Variants in DNMT3A observed in about 807,000 individuals in gnomAD.
DNMT3A encodes the protein DNA methyltransferase 3 alpha, also known as DNA (cytosine-5)-methyltransferase 3A.
A neutral mutation model predicts 117.6 loss-of-function variants in DNMT3A; 267 were observed. That is an observed-to-expected ratio of 2.27 (90% confidence interval 2.05 to 2.51). The LOEUF (loss-of-function observed/expected upper bound fraction) is 2.51. DNMT3A is among the 30% of genes most tolerant of loss of function. The probability of loss-of-function intolerance (pLI) is 0.00; values close to 1 mark genes in which losing one functional copy is unlikely to be tolerated. For missense variants in DNMT3A, 1,029 were observed against 1,260.2 expected (o/e 0.82, Z 2.78); for synonymous variants, 432 against 474.8 (o/e 0.91, Z 1.17).
At chr2:25,287,327 TG>T (rs1321311750) in intron 3 of DNMT3A, among the ~76,000 whole-genome samples, 2 of 151,896 alleles carry the variant, frequency 1.3e-5, no homozygotes, top group Non-Finnish European at 2.9e-5. Context: ...GGGGGCCAGA[TG>T]GGGGCCACAG....
rs1573522068 is a variant in DNMT3A at position 25,340,795 on chromosome 2, C to A, written c.-178+1031G>T. On this transcript the variant is annotated intron_variant, in intron 1 of 22. Transcript: ENST00000321117. ...TGCTGGAGGGGCGACCCCGGGCGTA[C>A]CCCCCCTGCGCCGCTCCCGGTCCCG... Among the ~76,000 whole-genome samples, 12 of 149,280 alleles carry A rather than the reference C, an allele frequency of 8.0e-5. No homozygotes were observed. In the South Asian group the frequency reaches 2.6e-3, roughly 32 times the overall value.
chr2:25,322,652 G>T (rs970081891), intron 1 of DNMT3A, among the ~76,000 whole-genome samples: 1 of 144,112 alleles, frequency 6.9e-6, no homozygotes, highest in South Asian at 2.3e-4. Flanking sequence ...TGTCCCCACT[G>T]CCGCCCCCAC....
In DNMT3A at chr2:25,306,029, C is replaced by T. The variant is rs2033765485; in HGVS notation, c.73-5786G>A. Among the ~76,000 whole-genome samples the T allele has an allele frequency of 6.6e-6, 1 of 152,222 alleles. No homozygotes were observed. Among genetic ancestry groups the T allele is most frequent in the African/African-American group, 2.4e-5 (1 of 41,444 alleles). ...GGACAAGAAGCATGCCCAGCCTTTG[C>T]CAGCTGGCTGGCTGGCCTCCCAGGG... On this transcript the variant is annotated intron_variant, in intron 2 of 22. Transcript: ENST00000321117. The surrounding 1 kb of genome is among the most constrained non-coding windows in gnomAD (Gnocchi z 4.1).
chr2:25,247,478 G>A lies in DNMT3A; in HGVS notation c.1014+113C>T. On this transcript the variant is annotated intron_variant, in intron 8 of 22. Transcript: ENST00000321117. The surrounding 1 kb of genome is among the most constrained non-coding windows in gnomAD (Gnocchi z 5.6). ...CACCCACCACAGGCAGAGTAGGGGTGAGCAGAACCCACTTCCATCACCCCA... is the reference window on the plus strand; with the variant it reads ...CACCCACCACAGGCAGAGTAGGGGTAAGCAGAACCCACTTCCATCACCCCA... 2 of 1,484,442 alleles carry A rather than the reference G, an allele frequency of 1.3e-6. No homozygotes were observed. Among genetic ancestry groups the A allele is most frequent in the Non-Finnish European group, 9.1e-7 (1 of 1,094,196 alleles). The allele number at this position is 1,484,442 out of a possible 1,614,324, so 92.0% of individuals were successfully genotyped here.
chr2:25,340,220 C>A (rs1263618877), intron 1 of DNMT3A, among the ~76,000 whole-genome samples: 3 of 152,114 alleles, frequency 2.0e-5, no homozygotes, highest in South Asian at 4.1e-4. Context: ...GCAGGGGGCT[C>A]CCCTCAGGAG....
At position 25,337,065 on chromosome 2, in the gene DNMT3A, T is replaced by C. The variant is rs12995968; in HGVS notation, c.-178+4761A>G. On this transcript the variant is annotated intron_variant, in intron 1 of 22. Transcript: ENST00000321117. The surrounding 1 kb of genome is among the most constrained non-coding windows in gnomAD (Gnocchi z 5.0). ...TTACAGGAAATGCTCAGCACATCTCTGGAAAATGGAAGCGAATACGGTGGG... is the reference window on the plus strand; with the variant it reads ...TTACAGGAAATGCTCAGCACATCTCCGGAAAATGGAAGCGAATACGGTGGG... Among the ~76,000 whole-genome samples the C allele has an allele frequency of 0.04, 6,067 of 152,176 alleles. 153 individuals carry two copies. Among genetic ancestry groups the C allele is most frequent in the South Asian group, 0.08 (385 of 4,822 alleles).
intron 19 of DNMT3A, among the ~76,000 whole-genome samples, chr2:25,239,675 G>A (rs1673758874): frequency 6.6e-6 from 1 of 152,156 alleles, no homozygotes; most frequent in Non-Finnish European, 1.5e-5. Context: ...CATGAGCCCT[G>A]ATTAGAACTC....
chr2:25,323,666 A>G (rs2034682911), intron 1 of DNMT3A, among the ~76,000 whole-genome samples: 1 of 152,208 alleles, frequency 6.6e-6, no homozygotes, highest in African/African-American at 2.4e-5. Context: ...GATTACTCTC[A>G]GATTCAACCA....
rs1010787856 is a variant in DNMT3A at position 25,257,137 on chromosome 2, C to T, written c.640-8885G>A. 2.0e-5 allele frequency among the ~76,000 whole-genome samples: 3 copies of T among 152,150 alleles called. No individual in the cohort carries two copies. Among genetic ancestry groups the T allele is most frequent in the African/African-American group, 7.2e-5 (3 of 41,418 alleles). ...TTGCAAGCAAATGACCAGGACTGGG[C>T]TGCTGGCAGTGAAGCTAAAAATAGC... On this transcript the variant is annotated intron_variant, in intron 6 of 22. Coordinates refer to ENST00000321117, the MANE Select transcript of DNMT3A (RefSeq NM_022552.5). This position sits in a 1 kb window ranked among gnomAD's most constrained non-coding sequence, Gnocchi z 4.8.
chr2:25,247,057 G>A lies in DNMT3A; in HGVS notation c.1116C>T (p.Val372=), dbSNP rs770188546. 5.0e-6 allele frequency: 8 copies of A among 1,613,854 alleles called. No individual in the cohort carries two copies. The highest frequency in any genetic ancestry group is 5.9e-6 in the Non-Finnish European group (7 of 1,179,926). ...TCCCAGCAGGGACACTCACCTGCAG[G>A]ACCTCGTAGATGGCTTTGCGGTACA... The part of the protein sequence containing the change: ...QPMYRKAIYE[V]LQVASSRAGK... Residue 372 remains valine (V), a synonymous_variant, in exon 9 of 23, where the codon GTC becomes GTT. Transcript: ENST00000321117. This position sits in a 1 kb window ranked among gnomAD's most constrained non-coding sequence, Gnocchi z 5.6.
intron 1 of DNMT3A, among the ~76,000 whole-genome samples, chr2:25,324,922 A>G (rs2149441062): frequency 6.6e-6 from 1 of 152,250 alleles, no homozygotes; most frequent in South Asian, 2.1e-4. Context: ...TGCAAAGCTG[A>G]TTTATCTGGC....
chr2:25,277,115 C>G (rs2149369636), intron 4 of DNMT3A, among the ~76,000 whole-genome samples: 1 of 152,238 alleles, frequency 6.6e-6, no homozygotes, highest in Non-Finnish European at 1.5e-5. Flanking sequence ...CCCGCGGGGG[C>G]CGCGTGGGCG....
rs77852788 is a variant in DNMT3A at position 25,258,868 on chromosome 2, T to C, written c.640-10616A>G. Among the ~76,000 whole-genome samples, 783 of 152,278 alleles carry C rather than the reference T, an allele frequency of 5.1e-3. 2 individuals are homozygous for C. Among genetic ancestry groups the C allele is most frequent in the Non-Finnish European group, 7.7e-3 (526 of 68,010 alleles). ...AGCACAAGCACAGCCTTAGGGTATCTGTTAGGGAGGGGGAGTGGTAAGGGG... is the reference window on the plus strand; with the variant it reads ...AGCACAAGCACAGCCTTAGGGTATCCGTTAGGGAGGGGGAGTGGTAAGGGG... On this transcript the variant is annotated intron_variant, in intron 6 of 22. Coordinates refer to ENST00000321117, the MANE Select transcript of DNMT3A (RefSeq NM_022552.5).
chr2:25,273,267 C>T (rs183604461), intron 6 of DNMT3A, among the ~76,000 whole-genome samples: 4 of 152,186 alleles, frequency 2.6e-5, no homozygotes, highest in East Asian at 1.9e-4. Context: ...TGAGCCACCA[C>T]GCCTGGCTAA....
rs59610512 is a variant in DNMT3A at position 25,306,723 on chromosome 2, C to T, written c.73-6480G>A. ...TCAGCCCTGTCCACCTCTGAGGTCTCTATGTCACAAGGCCAGACACAGGGG... is the reference window on the plus strand; with the variant it reads ...TCAGCCCTGTCCACCTCTGAGGTCTTTATGTCACAAGGCCAGACACAGGGG... On this transcript the variant is annotated intron_variant, in intron 2 of 22. Transcript: ENST00000321117. This position sits in a 1 kb window ranked among gnomAD's most constrained non-coding sequence, Gnocchi z 4.1. Among the ~76,000 whole-genome samples, 1 of 152,200 alleles carries T rather than the reference C, an allele frequency of 6.6e-6. No individual in the cohort carries two copies. The highest frequency in any genetic ancestry group is 1.5e-5 in the Non-Finnish European group (1 of 68,040).
At position 25,252,273 on chromosome 2, in the gene DNMT3A, T is replaced by C. The variant is rs2149326429; in HGVS notation, c.640-4021A>G. 1 of 1,266,002 alleles carries C rather than the reference T, an allele frequency of 7.9e-7. No individual in the cohort carries two copies. The highest frequency in any genetic ancestry group is 1.0e-6 in the Non-Finnish European group (1 of 978,958). The allele number at this position is 1,266,002 out of a possible 1,614,324, so 78.4% of individuals were successfully genotyped here. On this transcript the variant is annotated intron_variant, in intron 6 of 22. Coordinates refer to ENST00000321117, the MANE Select transcript of DNMT3A (RefSeq NM_022552.5). The surrounding 1 kb of genome is among the most constrained non-coding windows in gnomAD (Gnocchi z 5.5). The stretch of plus-strand genomic sequence containing the variant: ...CTGAAGCTCTGGAAGTAGCTGCCCG[T>C]CTTGGGGGAGGGGAAGGGGGCGATG...
At chr2:25,284,458 C>T (rs2032130608) in intron 3 of DNMT3A, among the ~76,000 whole-genome samples, 1 of 151,710 alleles carries the variant, frequency 6.6e-6, no homozygotes, top group African/African-American at 2.4e-5. Context: ...AGTTTGAGAC[C>T]AGCCTGGCCA....
In DNMT3A at chr2:25,248,269, C is replaced by CA. The variant is rs1410532438; in HGVS notation, c.640-18dup. ...CTTCTCAGCCTGGGGAAACAAAAAA[C>CA]AAAAAGTCACCTTGACCTCTCCAGG... On this transcript the variant is annotated splice_polypyrimidine_tract_variant and intron_variant, in intron 6 of 22. Coordinates refer to ENST00000321117, the MANE Select transcript of DNMT3A (RefSeq NM_022552.5). 2.5e-6 allele frequency: 4 copies of CA among 1,610,402 alleles called. No homozygotes were observed. The highest frequency in any genetic ancestry group is 3.4e-6 in the Non-Finnish European group (4 of 1,179,112).
chr2:25,251,397 A>G (rs1388787184), intron 6 of DNMT3A, among the ~76,000 whole-genome samples: 2 of 152,064 alleles, frequency 1.3e-5, no homozygotes, highest in Non-Finnish European at 2.9e-5. Context: ...GGCGGCATTC[A>G]AGAGACACCA....
Sources: allele counts gnomAD v4.1 joint callset (sites outside exome capture counted in the v4.1 genomes callset), GRCh38; gene constraint gnomAD v4.1.1; non-coding constraint Gnocchi (gnomAD v3.1); transcripts MANE v1.5; gene names NCBI Gene and HGNC (gene_info 2026-07-23, HGNC 2026-07-21).